Variants in EPB41L1 observed in about 807,000 individuals in gnomAD.
EPB41L1 encodes the protein band 4.1-like protein 1.
A neutral mutation model predicts 97.8 loss-of-function variants in EPB41L1; 29 were observed. That is an observed-to-expected ratio of 0.30 (90% CI 0.22 to 0.40). EPB41L1 has a LOEUF of 0.40. Among genes scored for constraint, EPB41L1 ranks in the 10% least tolerant of loss-of-function variants. The pLI is 1.00. For missense variants in EPB41L1, 812 were observed against 1,162.3 expected (o/e 0.70, Z 4.38); for synonymous variants, 383 against 459.2 (o/e 0.83, Z 2.12).
At chr20:36,171,248 T>G (rs1368946006) in intron 1 of EPB41L1, among the ~76,000 whole-genome samples, 1 of 152,064 alleles carries the variant, frequency 6.6e-6, no homozygotes. Context: ...TCAGAAAAGA[T>G]CCTGAGCCCG....
chr20:36,190,396 G>A lies in EPB41L1; in HGVS notation c.1124+22G>A, dbSNP rs748789746. The A allele has an allele frequency of 6.2e-7, 1 of 1,611,538 alleles. No homozygotes were observed. The highest frequency in any genetic ancestry group is 8.5e-7 in the Non-Finnish European group (1 of 1,178,274). Reference sequence around the variant, plus strand: ...TCCGGTGAGCCTGACCTTGGATGGGGTAATGGGGATGGGGCAGAGGCCATG... The same window carrying A: ...TCCGGTGAGCCTGACCTTGGATGGGATAATGGGGATGGGGCAGAGGCCATG... On this transcript the variant is annotated intron_variant, in intron 10 of 21. Coordinates refer to ENST00000338074, the MANE Select transcript of EPB41L1 (RefSeq NM_012156.2). This position sits in a 1 kb window ranked among gnomAD's most constrained non-coding sequence, Gnocchi z 5.8.
rs184183852 is a variant in EPB41L1, at chr20:36,163,352, G to C, written c.-15+8456G>C. Among the ~76,000 whole-genome samples, 499 of 152,254 alleles carry C rather than the reference G, an allele frequency of 3.3e-3. 1 individual carries two copies. The highest frequency in any genetic ancestry group is 3.2e-3 in the Non-Finnish European group (219 of 68,008). ...TATGTGTTTAGTGTTTTACAGGCAT[G>C]ATCTGATTCCATTTTCACAGTAAGC... On this transcript the variant is annotated intron_variant, in intron 1 of 21. Transcript: ENST00000338074.
upstream of EPB41L1, chr20:36,150,697 CAAAT>C (rs1233222659): frequency 6.6e-6 from 1 of 152,180 alleles, no homozygotes; most frequent in Non-Finnish European, 1.5e-5. Context: ...GAGGATTAAA[CAAAT>C]GAATGTGTGT....
At chr20:36,170,999 G>A (rs1359693416) in intron 1 of EPB41L1, among the ~76,000 whole-genome samples, 1 of 152,106 alleles carries the variant, frequency 6.6e-6, no homozygotes, top group African/African-American at 2.4e-5. Flanking sequence ...GAAAAGTTCC[G>A]AGAGTGTGAG....
intron 2 of EPB41L1, among the ~76,000 whole-genome samples, chr20:36,141,353 C>G (rs78904408): frequency 1.3e-5 from 2 of 150,154 alleles, no homozygotes. Flanking sequence ...TTTTTTTTTT[C>G]TTTTACTGTC....
intron 14 of EPB41L1, among the ~76,000 whole-genome samples, chr20:36,199,032 T>G (rs1331688111): frequency 1.3e-5 from 2 of 152,204 alleles, no homozygotes; most frequent in African/African-American, 4.8e-5. Flanking sequence ...AGTTCCAGAC[T>G]CTTCCACAGA....
At chr20:36,130,831 CAG>C (rs1403797205) in intron 2 of EPB41L1, among the ~76,000 whole-genome samples, 1 of 151,072 alleles carries the variant, frequency 6.6e-6, no homozygotes, top group Non-Finnish European at 1.5e-5. Flanking sequence ...TTCCCCGAGA[CAG>C]AGTTTTGCTC....
rs758200297 is a variant in EPB41L1, at chr20:36,229,337, C to T, written c.2643C>T (p.Ser881=). The change falls in exon 22 of 22, where the codon TCC becomes TCT. Residue 881 remains serine, a synonymous_variant. Coordinates refer to ENST00000338074, the MANE Select transcript of EPB41L1 (RefSeq NM_012156.2). The part of the protein sequence containing the change: ...PEERDKKPQE[S] ...CCCATGCCTCTGGCTTCCAGGAATC[C>T]TGACCTCTGTGAAGAGATCCTGGCA... 4.3e-6 allele frequency: 7 copies of T among 1,612,614 alleles called. No individual in the cohort carries two copies. Among genetic ancestry groups the T allele is most frequent in the Non-Finnish European group, 5.1e-6 (6 of 1,179,478 alleles).
intron 2 of EPB41L1, among the ~76,000 whole-genome samples, chr20:36,138,608 A>G (rs998824132): frequency 6.6e-6 from 1 of 152,226 alleles, no homozygotes; most frequent in Admixed American, 6.5e-5. Flanking sequence ...AATATGTGCC[A>G]GGAACTGGGT....
chr20:36,129,348 G>A (rs567542028), intron 2 of EPB41L1, among the ~76,000 whole-genome samples: 78 of 152,126 alleles, frequency 5.1e-4, no homozygotes, highest in African/African-American at 1.7e-3. Context: ...GTAAGTTACC[G>A]CTTCTCCTGG....
chr20:36,134,053 T>C (rs2059324297), intron 2 of EPB41L1, among the ~76,000 whole-genome samples: 1 of 152,182 alleles, frequency 6.6e-6, no homozygotes, highest in Non-Finnish European at 1.5e-5. Flanking sequence ...CTGTAGCCTA[T>C]GCTCTTAGCC....
chr20:36,104,091 G>T (rs2058111398), intron 1 of EPB41L1, among the ~76,000 whole-genome samples: 1 of 152,144 alleles, frequency 6.6e-6, no homozygotes. Flanking sequence ...AATAATAACA[G>T]GAGTTCCTTG....
At chr20:36,129,062 G>T (rs1211025203) in intron 2 of EPB41L1, among the ~76,000 whole-genome samples, 1 of 151,978 alleles carries the variant, frequency 6.6e-6, no homozygotes, top group Admixed American at 6.6e-5. Context: ...GGGCAAGCTT[G>T]TGTAGCTTAC....
In EPB41L1 at chr20:36,204,796, C is replaced by T. The variant is rs569565723; in HGVS notation, c.1669-4692C>T. ...AGCTGGGATTACAGGTGCATGCCACCATGTCTGGCTAATTTTTTGTATTTT... is the reference window on the plus strand; with the variant it reads ...AGCTGGGATTACAGGTGCATGCCACTATGTCTGGCTAATTTTTTGTATTTT... On this transcript the variant is annotated intron_variant, in intron 14 of 21. Transcript: ENST00000338074. 5.3e-5 allele frequency among the ~76,000 whole-genome samples: 8 copies of T among 152,092 alleles called. No individual in the cohort carries two copies. In the East Asian group the frequency reaches 1.5e-3, roughly 29 times the overall value.
chr20:36,221,906 A>T lies in EPB41L1; in HGVS notation c.2482A>T (p.Ile828Phe). Reference sequence around the variant, plus strand: ...TTCTGAGACAAGGATCGAGAAGCGAATCATCATTACTGGGGATGAAGATGT... The same window carrying T: ...TTCTGAGACAAGGATCGAGAAGCGATTCATCATTACTGGGGATGAAGATGT... Reference protein sequence around the residue: ...GFSETRIEKRIIITGDEDVDQ... With the variant: ...GFSETRIEKRFIITGDEDVDQ... The change falls in exon 20 of 22, where the codon ATC becomes TTC. Residue 828 changes from isoleucine (I) to phenylalanine (F), a missense_variant. Ile to Phe is a conservative substitution (Grantham distance 21). Transcript: ENST00000338074. The T allele has an allele frequency of 6.2e-7, 1 of 1,614,166 alleles. No individual in the cohort carries two copies. The highest frequency in any genetic ancestry group is 8.5e-7 in the Non-Finnish European group (1 of 1,180,028).
rs755033145 is a variant in EPB41L1 at position 36,187,688 on chromosome 20, G to C, written c.798G>C (p.Pro266=). 5.0e-6 allele frequency: 8 copies of C among 1,613,866 alleles called. No individual in the cohort carries two copies. The highest frequency in any genetic ancestry group is 2.7e-5 in the African/African-American group (2 of 74,896). Residue 266 remains proline, a synonymous_variant, in exon 8 of 22, where the codon CCG becomes CCC. Transcript: ENST00000338074. ...TTCTTTCCCTCAGGGGGATGACCCCGGGAGAAGCAGAAATCCACTTCTTAG... is the reference window on the plus strand; with the variant it reads ...TTCTTTCCCTCAGGGGGATGACCCCCGGAGAAGCAGAAATCCACTTCTTAG... ...ELHKTYRGMT[P]GEAEIHFLEN...
At chr20:36,222,903 T>C (rs1360219913) in intron 21 of EPB41L1, among the ~76,000 whole-genome samples, 1 of 152,136 alleles carries the variant, frequency 6.6e-6, no homozygotes, top group Non-Finnish European at 1.5e-5. Flanking sequence ...GATTGCAATT[T>C]TTATATTTTT....
At chr20:36,228,359 A>G (rs920059315) in intron 21 of EPB41L1, among the ~76,000 whole-genome samples, 9 of 152,100 alleles carry the variant, frequency 5.9e-5, no homozygotes, top group African/African-American at 2.2e-4. Flanking sequence ...CCTCCCTATA[A>G]TGGGAGGCAG....
In EPB41L1 at chr20:36,185,102, C is replaced by T. The variant is rs745942930; in HGVS notation, c.567-15C>T. The T allele has an allele frequency of 1.9e-6, 3 of 1,611,810 alleles. No individual in the cohort carries two copies. The highest frequency in any genetic ancestry group is 2.5e-6 in the Non-Finnish European group (3 of 1,179,866). Reference sequence around the variant, plus strand: ...GTAGGGCCCTGTGCCCATGCTGGCTCTCCCCTATCTCCAGATACTACCTGT... The same window carrying T: ...GTAGGGCCCTGTGCCCATGCTGGCTTTCCCCTATCTCCAGATACTACCTGT... On this transcript the variant is annotated splice_polypyrimidine_tract_variant and intron_variant, in intron 6 of 21. Transcript: ENST00000338074.
Sources: gnomAD v4.1 joint callset for allele counts (sites outside exome capture counted in the v4.1 genomes callset) on GRCh38, gnomAD v4.1.1 for gene constraint, Gnocchi (gnomAD v3.1) non-coding constraint, MANE v1.5 for transcripts, NCBI Gene and HGNC (gene_info 2026-07-23, HGNC 2026-07-21) for gene names.